Variants in CEBPZ observed in about 807,000 individuals in gnomAD.
CEBPZ encodes CCAAT/enhancer-binding protein zeta.
Under a neutral mutation model 104.5 loss-of-function variants are expected in CEBPZ, and 78 were observed. That is an observed-to-expected ratio of 0.75 (90% CI 0.62 to 0.90). CEBPZ has a LOEUF of 0.90. CEBPZ is among the 40% of genes least tolerant of loss of function. The probability of loss-of-function intolerance (pLI) is 0.00; values close to 1 mark genes in which losing one functional copy is unlikely to be tolerated. For synonymous variants in CEBPZ, 470 were observed against 427.0 expected, an observed-to-expected ratio of 1.10 and a Z score of -1.24; for missense variants, 1,439 against 1,233.5, an observed-to-expected ratio of 1.17 and a Z score of -2.50.
At chr2:37,211,715 A>T in intron 12 of CEBPZ, 128 bp downstream of exon 12, 1 of 654,486 alleles carries the variant, frequency 1.5e-6, no homozygotes, top group Non-Finnish European at 2.5e-6. Flanking sequence ...AGGTCCTTTT[A>T]AGTTTCTGGC....
rs146366004 is a variant in CEBPZ at position 37,210,638 on chromosome 2, T to C, written c.2884+361A>G. The C allele has an allele frequency of 7.7e-3, 1,268 of 164,126 alleles. 14 individuals carry two copies. Among genetic ancestry groups the C allele is most frequent in the Non-Finnish European group, 0.011 (868 of 76,210 alleles). 10.2% of individuals were successfully genotyped at this position (164,126 alleles called of 1,614,324 possible). A position where few individuals can be genotyped will look rare whatever the true frequency, so the allele number is the denominator to read the frequency against. On this transcript the variant is annotated intron_variant, in intron 13 of 15. Transcript: ENST00000234170. ...ACTTGGGGGGAAGAGTGGGAGGCAG[T>C]GGGGGATAAGAGTACACATTGGGTG...
intron 13 of CEBPZ, among the ~76,000 whole-genome samples, chr2:37,206,746 C>G (rs1677552566): frequency 6.6e-6 from 1 of 152,062 alleles, no homozygotes; most frequent in Non-Finnish European, 1.5e-5. Flanking sequence ...TACAATAACA[C>G]AATGAAAAAA....
At chr2:37,229,357 T>G (rs539613870) in intron 1 of CEBPZ, among the ~76,000 whole-genome samples, 1 of 152,092 alleles carries the variant, frequency 6.6e-6, no homozygotes, top group Non-Finnish European at 1.5e-5. Flanking sequence ...TACACATCAG[T>G]AAGTGACAAC....
In CEBPZ at chr2:37,231,397, G is replaced by C; in HGVS notation, c.156+15C>G. On this transcript the variant is annotated intron_variant, in intron 1 of 15. Coordinates refer to ENST00000234170, the MANE Select transcript of CEBPZ (RefSeq NM_005760.3). Reference sequence around the variant, plus strand: ...TCCACGCCTGATCCCGTTCCCCGGAGCCCGCGGCCGTTACCTTGGTGCCTC... The same window carrying C: ...TCCACGCCTGATCCCGTTCCCCGGACCCCGCGGCCGTTACCTTGGTGCCTC... 1 of 1,613,552 alleles carries C rather than the reference G, an allele frequency of 6.2e-7. No homozygotes were observed. The highest frequency in any genetic ancestry group is 8.5e-7 in the Non-Finnish European group (1 of 1,179,916).
Position 37,231,435 on chromosome 2 carries a change from C to T in CEBPZ, c.133G>A (p.Val45Met), listed in dbSNP as rs1427653296. 7 of 1,614,226 alleles carry T rather than the reference C, an allele frequency of 4.3e-6. No homozygotes were observed. The highest frequency in any genetic ancestry group is 5.9e-6 in the Non-Finnish European group (7 of 1,180,036). ...EAENGFSLEE[V>M]LRLGGTKQDY... ...ACCTTGGTGCCTCCGAGCCGTAACACTTCCTCCAGGGAGAACCCATTCTCG... is the reference window on the plus strand; with the variant it reads ...ACCTTGGTGCCTCCGAGCCGTAACATTTCCTCCAGGGAGAACCCATTCTCG... The change falls in exon 1 of 16, where the codon GTG (valine) becomes ATG (methionine). Residue 45 changes from valine to methionine, a missense_variant. Coordinates refer to ENST00000234170, the MANE Select transcript of CEBPZ (RefSeq NM_005760.3).
At chr2:37,204,902 A>C (rs189012499) in intron 13 of CEBPZ, among the ~76,000 whole-genome samples, 1 of 152,110 alleles carries the variant, frequency 6.6e-6, no homozygotes, top group Non-Finnish European at 1.5e-5. Context: ...ACATTAAAAA[A>C]TTTTTTTCTT....
At chr2:37,226,573 CATG>C (rs1664892509) in intron 2 of CEBPZ, among the ~76,000 whole-genome samples, 1 of 152,128 alleles carries the variant, frequency 6.6e-6, no homozygotes, top group African/African-American at 2.4e-5. Context: ...TCCACTTAAG[CATG>C]ATAACATGGG....
At chr2:37,206,185 A>G (rs1677533305) in intron 13 of CEBPZ, among the ~76,000 whole-genome samples, 1 of 152,330 alleles carries the variant, frequency 6.6e-6, no homozygotes, top group South Asian at 2.1e-4. Flanking sequence ...GGACAGGACT[A>G]ACGTGCAGCT....
At chr2:37,201,981 C>T (rs1372693341) in intron 15 of CEBPZ, 78 bp from the exon 16 acceptor site, 1 of 1,395,028 alleles carries the variant, frequency 7.2e-7, no homozygotes, top group South Asian at 1.4e-5. Flanking sequence ...GCTGCTGAGT[C>T]ACAGGAACTT....
chr2:37,201,726 T>TGTAA lies in CEBPZ; in HGVS notation c.*34_*37dup. 8.4e-7 allele frequency: 1 copy of TGTAA among 1,189,042 alleles called. No homozygotes were observed. Among genetic ancestry groups the TGTAA allele is most frequent in the East Asian group, 2.5e-5 (1 of 39,348 alleles). 73.7% of individuals were successfully genotyped at this position (1,189,042 alleles called of 1,614,324 possible). A position where few individuals can be genotyped will look rare whatever the true frequency, so the allele number is the denominator to read the frequency against. Reference sequence around the variant, plus strand: ...ACATGGTTGAACAGCAAAAATTAGATGTAAGTAGAATTTTAATCTATAATT... The same window carrying TGTAA: ...ACATGGTTGAACAGCAAAAATTAGATGTAAGTAAGTAGAATTTTAATCTATAATT... On this transcript the variant is annotated 3_prime_UTR_variant, in exon 16 of 16. Coordinates refer to ENST00000234170, the MANE Select transcript of CEBPZ (RefSeq NM_005760.3).
intron 6 of CEBPZ, among the ~76,000 whole-genome samples, 177 bp downstream of exon 6, chr2:37,216,807 C>T (rs1677879762): frequency 6.6e-6 from 1 of 152,192 alleles, no homozygotes; most frequent in Admixed American, 6.5e-5. Context: ...TTCCACTCAT[C>T]TCAGAGTGGG....
rs764909329 is a variant in CEBPZ, at chr2:37,228,913, C to A, written c.280G>T (p.Ala94Ser). Reference protein sequence around the residue: ...LEAFIQNLNLAKYTKASLVEE... With the variant: ...LEAFIQNLNLSKYTKASLVEE... ...ACTAAGGAAGCTTTTGTATACTTCG[C>A]CAAATTAAGATTTTGAATAAATGCT... The change falls in exon 2 of 16, where the codon GCG becomes TCG. Residue 94 changes from alanine to serine, a missense_variant. Transcript: ENST00000234170. 1 of 1,610,716 alleles carries A rather than the reference C, an allele frequency of 6.2e-7. No homozygotes were observed. Among genetic ancestry groups the A allele is most frequent in the Non-Finnish European group, 8.5e-7 (1 of 1,178,868 alleles).
In CEBPZ at chr2:37,211,894, C is replaced by T. The variant is rs761491408; in HGVS notation, c.2749G>A (p.Asp917Asn). The change falls in exon 12 of 16, where the codon GAT (aspartate) becomes AAT (asparagine). Residue 917 changes from aspartate (D) to asparagine (N), a missense_variant. Transcript: ENST00000234170. ...AACACATCCATGAATGTTCCTCCAT[C>T]TTCATCAACTTCAGCAAATTCTTCA... ...DDEEFAEVDE[D>N]GGTFMDVLDD... is the part of the protein sequence containing the mutation. 3.7e-6 allele frequency: 6 copies of T among 1,611,880 alleles called. No homozygotes were observed. The highest frequency in any genetic ancestry group is 2.2e-5 in the South Asian group (2 of 90,490).
chr2:37,215,093 A>G, intron 8 of CEBPZ, 141 bp from the exon 9 acceptor site: 1 of 614,082 alleles, frequency 1.6e-6, no homozygotes, highest in Admixed American at 2.9e-5. Context: ...GGGACTCTGG[A>G]GTGCAAGGGA....
intron 1 of CEBPZ, among the ~76,000 whole-genome samples, chr2:37,229,472 T>A (rs1235809107): frequency 6.6e-6 from 1 of 152,166 alleles, no homozygotes; most frequent in Non-Finnish European, 1.5e-5. Context: ...CAAATCCACA[T>A]TAAAACCACA....
intron 13 of CEBPZ, among the ~76,000 whole-genome samples, chr2:37,206,515 G>T (rs1677545193): frequency 6.6e-6 from 1 of 152,132 alleles, no homozygotes; most frequent in African/African-American, 2.4e-5. Context: ...TTACCAACAT[G>T]CCCAGCTAAT....
At chr2:37,203,755 T>A (rs1245044463) in intron 13 of CEBPZ, 1 of 152,292 alleles carries the variant, frequency 6.6e-6, no homozygotes, top group African/African-American at 2.4e-5. Flanking sequence ...ATCTTGTTTC[T>A]ATGACTTGCC....
In CEBPZ at chr2:37,223,207, G is replaced by A. The variant is rs34983085; in HGVS notation, c.1844C>T (p.Ala615Val). Residue 615 changes from alanine to valine, a missense_variant, in exon 3 of 16, where the codon GCA becomes GTA. Physicochemically the swap from Ala to Val is moderately conservative, Grantham distance 64. Transcript: ENST00000234170. ...ALYLVSEILK[A>V]KPGLRSQLDD... Reference sequence around the variant, plus strand: ...TAGTTGGCTTCTTAAACCTGGTTTTGCTTTAAGGATCTCAGACACAAGATA... The same window carrying A: ...TAGTTGGCTTCTTAAACCTGGTTTTACTTTAAGGATCTCAGACACAAGATA... The A allele has an allele frequency of 3.3e-3, 5,378 of 1,613,950 alleles. 21 individuals carry two copies. Among genetic ancestry groups the A allele is most frequent in the Non-Finnish European group, 3.6e-3 (4,287 of 1,179,986 alleles).
chr2:37,209,723 G>GAAAAACT (rs1476824489), intron 13 of CEBPZ: 3 of 152,202 alleles, frequency 2.0e-5, no homozygotes, highest in East Asian at 3.9e-4. Context: ...CTAGACATTG[G>GAAAAACT]CTTAAGTAGA....
Sources: allele counts gnomAD v4.1 joint callset (sites outside exome capture counted in the v4.1 genomes callset), GRCh38; gene constraint gnomAD v4.1.1; transcripts MANE v1.5; gene names NCBI Gene and HGNC (gene_info 2026-07-23, HGNC 2026-07-21).